RBFOX2: variants seen among roughly 807,000 people sequenced by gnomAD.
The protein encoded by RBFOX2 is RNA binding fox-1 homolog 2, also known as RNA binding protein fox-1 homolog 2.
Under a neutral mutation model 49.1 loss-of-function variants are expected in RBFOX2, and 10 were observed. The ratio of observed to expected loss-of-function variants is 0.20; its 90% confidence interval spans 0.13 to 0.35. RBFOX2 has a LOEUF of 0.35. Ranked by LOEUF, RBFOX2 falls within the 10% of genes least tolerant of loss-of-function variation. RBFOX2 has a pLI of 1.00. For missense variants in RBFOX2, 323 were observed against 486.9 expected (o/e 0.66, Z 3.17); for synonymous variants, 183 against 187.4 (o/e 0.98, Z 0.19).
chr22:35,980,954 G>T (rs1344411153), intron 1 of RBFOX2, among the ~76,000 whole-genome samples: 1 of 152,146 alleles, frequency 6.6e-6, no homozygotes, highest in African/African-American at 2.4e-5. Flanking sequence ...AGAATTTTCT[G>T]AGTAGAGAGG....
chr22:35,910,131 A>G (rs1381263651), intron 1 of RBFOX2, among the ~76,000 whole-genome samples: 1 of 152,206 alleles, frequency 6.6e-6, no homozygotes, highest in Non-Finnish European at 1.5e-5. Context: ...AAAGTTTGAA[A>G]AAAAGCCAAT....
At chr22:35,951,861 A>G (rs574968444) in intron 1 of RBFOX2, among the ~76,000 whole-genome samples, 1 of 152,316 alleles carries the variant, frequency 6.6e-6, no homozygotes, top group South Asian at 2.1e-4. Flanking sequence ...TTTTCTTCAC[A>G]GACCTAAGAA....
At chr22:35,972,768 G>A (rs934005188) in intron 1 of RBFOX2, among the ~76,000 whole-genome samples, 1 of 152,128 alleles carries the variant, frequency 6.6e-6, no homozygotes, top group Admixed American at 6.5e-5. Flanking sequence ...AATGGACAGA[G>A]GCTCTCAGTT....
intron 1 of RBFOX2, among the ~76,000 whole-genome samples, chr22:36,021,011 G>C (rs564134489): frequency 6.6e-6 from 1 of 152,148 alleles, no homozygotes; most frequent in Non-Finnish European, 1.5e-5. Context: ...GCCCATCAAT[G>C]ATAAATTGGA....
upstream of RBFOX2, among the ~76,000 whole-genome samples, chr22:35,939,679 G>T (rs943219047): frequency 4.6e-5 from 7 of 152,104 alleles, no homozygotes; most frequent in African/African-American, 1.4e-4. Context: ...ACTAAGTCAA[G>T]ATCCTTGAGG....
chr22:35,768,410 T>G, intron 4 of RBFOX2, 61 bp from the exon 6 acceptor site: 1 of 1,407,142 alleles, frequency 7.1e-7, no homozygotes, highest in Non-Finnish European at 1.0e-6. Context: ...TACTGATCTC[T>G]TGGTAAATAG....
intron 1 of RBFOX2, among the ~76,000 whole-genome samples, chr22:36,005,901 A>G (rs977220686): frequency 1.7e-4 from 26 of 152,220 alleles, no homozygotes; most frequent in Non-Finnish European, 3.5e-4. Flanking sequence ...GTAACTTGTG[A>G]GCAAAATTAT....
chr22:35,902,813 T>TA (rs761309734), intron 1 of RBFOX2, among the ~76,000 whole-genome samples: 17,481 of 128,636 alleles, frequency 0.14, 2,207 homozygotes, highest in African/African-American at 0.35. Flanking sequence ...CCCAGCTAAT[T>TA]AAAAAAAAAA....
At chr22:35,822,654 T>C (rs1954771894) in intron 1 of RBFOX2, among the ~76,000 whole-genome samples, 1 of 152,206 alleles carries the variant, frequency 6.6e-6, no homozygotes, top group Non-Finnish European at 1.5e-5. Flanking sequence ...TTTGTGTTAG[T>C]GTAAGCCACT....
At chr22:36,017,888 T>G (rs2059103285) in intron 1 of RBFOX2, among the ~76,000 whole-genome samples, 1 of 152,180 alleles carries the variant, frequency 6.6e-6, no homozygotes, top group African/African-American at 2.4e-5. Flanking sequence ...CATTCTGCAG[T>G]TAAATTCTAC....
At chr22:35,989,341 G>A (rs2057863483) in intron 1 of RBFOX2, among the ~76,000 whole-genome samples, 1 of 152,156 alleles carries the variant, frequency 6.6e-6, no homozygotes, top group East Asian at 1.9e-4. Flanking sequence ...AAATGCACTG[G>A]CAGACAGAGG....
At chr22:35,985,535 T>C (rs969551452) in intron 1 of RBFOX2, among the ~76,000 whole-genome samples, 17 of 152,168 alleles carry the variant, frequency 1.1e-4, no homozygotes, top group African/African-American at 4.1e-4. Context: ...AATCTGGGTT[T>C]CATGTGAGCT....
intron 1 of RBFOX2, among the ~76,000 whole-genome samples, chr22:35,889,248 A>G (rs2046961827): frequency 6.6e-6 from 1 of 152,194 alleles, no homozygotes. Flanking sequence ...TATCATTTTA[A>G]GCCATTATGA....
intron 1 of RBFOX2, among the ~76,000 whole-genome samples, chr22:35,832,745 T>A (rs1178090162): frequency 1.3e-5 from 2 of 152,184 alleles, no homozygotes; most frequent in Middle Eastern, 3.4e-3. Flanking sequence ...GGCAGGAGAA[T>A]CACTTGAACC....
At chr22:35,898,074 C>T (rs1351770178) in intron 1 of RBFOX2, 3 of 732,674 alleles carry the variant, frequency 4.1e-6, no homozygotes, top group Admixed American at 3.5e-5. Context: ...CTTTATCTCT[C>T]GCGTCCCATT....
At chr22:35,803,105 G>A (rs904246930) in intron 2 of RBFOX2, among the ~76,000 whole-genome samples, 2 of 151,858 alleles carry the variant, frequency 1.3e-5, no homozygotes, top group African/African-American at 4.8e-5. Flanking sequence ...TATACTGTGT[G>A]GGAGTCACAT....
chr22:35,826,618 C>T lies in RBFOX2; in HGVS notation c.27+13574G>A, dbSNP rs116514164. 2.6e-3 allele frequency among the ~76,000 whole-genome samples: 394 copies of T among 152,144 alleles called. 4 individuals are homozygous for T. Among genetic ancestry groups the T allele is most frequent in the African/African-American group, 9.3e-3 (385 of 41,508 alleles). Reference sequence around the variant, plus strand: ...CATCTCCTGTTTTTCAAAAATGCCCCCTGGTTCCTCAGGAGGGAAAACTTT... The same window carrying T: ...CATCTCCTGTTTTTCAAAAATGCCCTCTGGTTCCTCAGGAGGGAAAACTTT... On this transcript the variant is annotated intron_variant, in intron 1 of 11. Transcript: ENST00000405409.
At chr22:35,893,618 T>C (rs909923584) in intron 1 of RBFOX2, among the ~76,000 whole-genome samples, 4 of 152,142 alleles carry the variant, frequency 2.6e-5, no homozygotes, top group Non-Finnish European at 4.4e-5. Context: ...TCTGAGCTCT[T>C]ACAAATACTA....
At chr22:36,020,897 T>A (rs904362324) in intron 1 of RBFOX2, among the ~76,000 whole-genome samples, 7 of 152,190 alleles carry the variant, frequency 4.6e-5, no homozygotes, top group Non-Finnish European at 1.0e-4. Flanking sequence ...CATTACTGGG[T>A]ATATATCCAA....
Sources: allele counts gnomAD v4.1 joint callset (sites outside exome capture counted in the v4.1 genomes callset), GRCh38; gene constraint gnomAD v4.1.1; transcripts MANE v1.5; gene names NCBI Gene and HGNC (gene_info 2026-07-23, HGNC 2026-07-21).